SACM1L: variants seen among roughly 807,000 people sequenced by gnomAD.
The protein encoded by SACM1L is phosphatidylinositol-3-phosphatase SAC1.
SACM1L carries 32 observed loss-of-function variants against 89.5 expected under a neutral mutation model. That is an observed-to-expected ratio of 0.36 (90% CI 0.27 to 0.48). The LOEUF (loss-of-function observed/expected upper bound fraction) is 0.48. Among genes scored for constraint, SACM1L ranks in the 20% least tolerant of loss-of-function variants. The probability of loss-of-function intolerance (pLI) is 0.99; values close to 1 mark genes in which losing one functional copy is unlikely to be tolerated. For synonymous variants in SACM1L, 213 were observed against 232.8 expected (o/e 0.92, Z 0.77); for missense variants, 543 against 708.5 (o/e 0.77, Z 2.65).
chr3:45,703,492 C>T lies in SACM1L; in HGVS notation c.87C>T (p.Asp29=), dbSNP rs776446200. 5.0e-6 allele frequency: 8 copies of T among 1,612,992 alleles called. No homozygotes were observed. The highest frequency in any genetic ancestry group is 1.1e-5 in the South Asian group (1 of 91,054). Residue 29 remains aspartate (D), a synonymous_variant, in exon 2 of 20, where the codon GAC becomes GAT. Coordinates refer to ENST00000389061, the MANE Select transcript of SACM1L (RefSeq NM_014016.5). ...AAGCTTGTGATGATGGAGCAGATGA[C>T]GTACTTACCATTGACCGTGTGTCCA... ...YVEACDDGAD[D]VLTIDRVSTE...
chr3:45,737,464 T>G (rs747468232), intron 14 of SACM1L, 119 bp from the exon 15 acceptor site: 2 of 989,622 alleles, frequency 2.0e-6, no homozygotes, highest in Non-Finnish European at 3.1e-6. Flanking sequence ...AACAGACATT[T>G]CTGGCCTGCA....
At chr3:45,701,756 C>G (rs1559537347) in intron 1 of SACM1L, among the ~76,000 whole-genome samples, 1 of 152,172 alleles carries the variant, frequency 6.6e-6, no homozygotes, top group Admixed American at 6.5e-5. Context: ...TTTCCTCGTG[C>G]CTGTAATCCC....
chr3:45,739,427 T>C (rs901135931), intron 18 of SACM1L, among the ~76,000 whole-genome samples, 160 bp from the exon 19 acceptor site: 4 of 152,238 alleles, frequency 2.6e-5, no homozygotes, highest in Admixed American at 6.5e-5. Context: ...GCAGTTGTGA[T>C]TGAACCCATA....
chr3:45,702,772 G>A (rs1012816743), intron 1 of SACM1L, among the ~76,000 whole-genome samples: 7 of 152,008 alleles, frequency 4.6e-5, no homozygotes, highest in African/African-American at 1.2e-4. Context: ...TAAATTTTAA[G>A]TAGTCTCTCT....
intron 1 of SACM1L, 134 bp from the exon 2 acceptor site, chr3:45,703,304 A>G (rs539961319): frequency 6.6e-6 from 4 of 604,500 alleles, no homozygotes; most frequent in Middle Eastern, 3.4e-4. Flanking sequence ...AAGGACAGCA[A>G]ACTTAACAGA....
At chr3:45,739,811 A>G (rs1699277542) in intron 19 of SACM1L, 167 bp downstream of exon 19, 6 of 673,290 alleles carry the variant, frequency 8.9e-6, no homozygotes, top group Middle Eastern at 4.1e-4. Flanking sequence ...GAAAAATAAC[A>G]TACCTAGTAG....
intron 11 of SACM1L, among the ~76,000 whole-genome samples, chr3:45,724,686 A>T (rs1287356335): frequency 6.6e-6 from 1 of 152,130 alleles, no homozygotes; most frequent in Non-Finnish European, 1.5e-5. Flanking sequence ...CTTGGTGTCA[A>T]ATTCAAGAAA....
intron 11 of SACM1L, among the ~76,000 whole-genome samples, chr3:45,729,722 C>T (rs1381406051): frequency 6.6e-6 from 1 of 152,060 alleles, no homozygotes; most frequent in African/African-American, 2.4e-5. Context: ...TGCTGCTTTT[C>T]AGGATTCCGT....
In SACM1L at chr3:45,723,514, A is replaced by G; in HGVS notation, c.892A>G (p.Ile298Val). 3 of 1,510,364 alleles carry G rather than the reference A, an allele frequency of 2.0e-6. No individual in the cohort carries two copies. The highest frequency in any genetic ancestry group is 2.7e-6 in the Non-Finnish European group (3 of 1,120,904). The allele number at this position is 1,510,364 out of a possible 1,614,324, so 93.6% of individuals were successfully genotyped here. A position where few individuals can be genotyped will look rare whatever the true frequency, so the allele number is the denominator to read the frequency against. Residue 298 changes from isoleucine (I) to valine (V), a missense_variant, in exon 11 of 20, where the codon ATT (isoleucine) becomes GTT (valine). Ile to Val is a conservative substitution (Grantham distance 29, BLOSUM62 3). This residue lies in a region of SACM1L where 370 missense variants were observed against 527.6 expected (regional missense o/e 0.70). Coordinates refer to ENST00000389061, the MANE Select transcript of SACM1L (RefSeq NM_014016.5). Reference protein sequence around the residue: ...FQRHFDSQVIIYGKQVIINLI... With the variant: ...FQRHFDSQVIVYGKQVIINLI... Reference sequence around the variant, plus strand: ...AAGGCATTTTGATTCCCAAGTAATTATTTATGGAAAACAAGTTATAATCAA... The same window carrying G: ...AAGGCATTTTGATTCCCAAGTAATTGTTTATGGAAAACAAGTTATAATCAA...
In SACM1L at chr3:45,731,307, C is replaced by A; in HGVS notation, c.928C>A (p.Gln310Lys). Residue 310 changes from glutamine to lysine, a missense_variant, in exon 12 of 20, where the codon CAG becomes AAG. Coordinates refer to ENST00000389061, the MANE Select transcript of SACM1L (RefSeq NM_014016.5). ...TGTTTGAAATTTTTTACAGATTAAC[C>A]AGAAGGGCTCGGAGAAGCCACTTGA... ...GKQVIINLIN[Q>K]KGSEKPLEQT... The A allele has an allele frequency of 6.2e-7, 1 of 1,610,836 alleles. No individual in the cohort carries two copies. Among genetic ancestry groups the A allele is most frequent in the Non-Finnish European group, 8.5e-7 (1 of 1,178,016 alleles).
In SACM1L at chr3:45,719,553, A is replaced by T. The variant is rs1296733110; in HGVS notation, c.631A>T (p.Ile211Phe). Residue 211 changes from isoleucine to phenylalanine, a missense_variant, in exon 8 of 20, where the codon ATC (isoleucine) becomes TTC (phenylalanine). By Grantham distance (21) the Ile-to-Phe change is conservative. Transcript: ENST00000389061. Reference sequence around the variant, plus strand: ...TGGAAAATACTTTGATTGGATTCTCATCTCGAGGAGGAGCTGTTTCAGAGC... The same window carrying T: ...TGGAAAATACTTTGATTGGATTCTCTTCTCGAGGAGGAGCTGTTTCAGAGC... ...INGKYFDWILISRRSCFRAGV... is the reference protein window; with the variant it reads ...INGKYFDWILFSRRSCFRAGV... The T allele has an allele frequency of 4.3e-6, 7 of 1,612,478 alleles. No individual in the cohort carries two copies. The highest frequency in any genetic ancestry group is 4.0e-5 in the African/African-American group (3 of 74,902).
At chr3:45,714,159 T>C in intron 7 of SACM1L, 80 bp downstream of exon 7, 1 of 788,134 alleles carries the variant, frequency 1.3e-6, no homozygotes, top group Non-Finnish European at 2.0e-6. Context: ...AGAGATAGTC[T>C]CAAATACTCC....
At position 45,732,156 on chromosome 3, in the gene SACM1L, G is replaced by A. The variant is rs761880086; in HGVS notation, c.1100+5G>A. ...AGAAATGCAAGATGAATTAAGGTAA[G>A]CTATATTATTTCCTTAAGGAGGTAG... On this transcript the variant is annotated splice_donor_5th_base_variant and intron_variant, in intron 13 of 19. Transcript: ENST00000389061. 7.7e-6 allele frequency: 12 copies of A among 1,554,048 alleles called. No individual in the cohort carries two copies. The African/African-American group carries it at 1.5e-4, about 19-fold the overall frequency.
chr3:45,699,850 A>G (rs1575385975), intron 1 of SACM1L, among the ~76,000 whole-genome samples: 1 of 151,890 alleles, frequency 6.6e-6, no homozygotes, highest in East Asian at 1.9e-4. Flanking sequence ...CTTATAATGG[A>G]GATAGTTTTT....
chr3:45,701,714 A>G (rs1323010412), intron 1 of SACM1L, among the ~76,000 whole-genome samples: 1 of 152,204 alleles, frequency 6.6e-6, no homozygotes, highest in Non-Finnish European at 1.5e-5. Flanking sequence ...TGCCAGTATT[A>G]CAATATTGAA....
At chr3:45,721,351 A>G (rs1481651908) in intron 8 of SACM1L, among the ~76,000 whole-genome samples, 3 of 152,214 alleles carry the variant, frequency 2.0e-5, no homozygotes, top group African/African-American at 7.2e-5. Context: ...GAGAAACCCC[A>G]TCTCTACTAA....
At chr3:45,741,922 G>C (rs1699324638) in intron 19 of SACM1L, among the ~76,000 whole-genome samples, 1 of 152,348 alleles carries the variant, frequency 6.6e-6, no homozygotes, top group South Asian at 2.1e-4. Context: ...GAGGCAGCAT[G>C]TGCCGGTTCC....
chr3:45,724,337 AATG>A (rs1457019713), intron 11 of SACM1L, among the ~76,000 whole-genome samples: 1 of 79,366 alleles, frequency 1.3e-5, no homozygotes, highest in Non-Finnish European at 3.0e-5. Context: ...GTGTGTGTTT[AATG>A]ATAGCCATCC....
At chr3:45,725,856 T>C (rs993506548) in intron 11 of SACM1L, among the ~76,000 whole-genome samples, 1 of 152,156 alleles carries the variant, frequency 6.6e-6, no homozygotes, top group African/African-American at 2.4e-5. Context: ...GCCTTTATGC[T>C]GAGGAACTTT....
Sources: allele counts gnomAD v4.1 joint callset (sites outside exome capture counted in the v4.1 genomes callset), GRCh38; gene constraint gnomAD v4.1.1; regional missense constraint gnomAD v4.1.1; transcripts MANE v1.5; gene names NCBI Gene and HGNC (gene_info 2026-07-23, HGNC 2026-07-21).